ARHGAP32: variants seen among roughly 807,000 people sequenced by gnomAD.
ARHGAP32 encodes the protein Rho GTPase activating protein 32.
ARHGAP32 carries 51 observed loss-of-function variants against 186.5 expected under a neutral mutation model. That is an observed-to-expected ratio of 0.27 (90% CI 0.22 to 0.35). The LOEUF is 0.35. Ranked by LOEUF, ARHGAP32 falls within the 10% of genes least tolerant of loss-of-function variation. The pLI is 1.00. For missense variants in ARHGAP32, 2,186 were observed against 2,623.5 expected (o/e 0.83, Z 3.64); for synonymous variants, 950 against 964.3 (o/e 0.99, Z 0.27).
rs143014937 is a variant in ARHGAP32, at chr11:129,255,211, A to C, written c.-5+23935T>G. 5.0e-3 allele frequency among the ~76,000 whole-genome samples: 760 copies of C among 152,204 alleles called. 3 individuals are homozygous for C. Among genetic ancestry groups the C allele is most frequent in the South Asian group, 8.1e-3 (39 of 4,826 alleles). On this transcript the variant is annotated intron_variant, in intron 1 of 6. Coordinates refer to the ARHGAP32 transcript ENST00000525234. Reference sequence around the variant, plus strand: ...GTAGGAAAAATAACAGAAGAGAATAAACAAAGTCGAGTAACGACCCACACG... The same window carrying C: ...GTAGGAAAAATAACAGAAGAGAATACACAAAGTCGAGTAACGACCCACACG...
chr11:129,041,769 C>A (rs979371261), intron 10 of ARHGAP32, among the ~76,000 whole-genome samples: 2 of 151,980 alleles, frequency 1.3e-5, no homozygotes, highest in Admixed American at 1.3e-4. Context: ...ACTGTATAGC[C>A]AAAAGGATAA....
intron 2 of ARHGAP32, chr11:129,125,797 G>T (rs1591635349): frequency 2.1e-5 from 7 of 338,248 alleles, no homozygotes; most frequent in East Asian, 1.6e-4. Flanking sequence ...CTTTTTGAGG[G>T]TTTTTTTTTT....
intron 1 of ARHGAP32, among the ~76,000 whole-genome samples, chr11:129,165,504 T>C (rs924668417): frequency 6.7e-6 from 1 of 150,278 alleles, no homozygotes; most frequent in East Asian, 1.9e-4. Flanking sequence ...TTAACTGTCT[T>C]TGGAGGAAAA....
At chr11:129,085,775 G>C (rs1353669184) in intron 6 of ARHGAP32, among the ~76,000 whole-genome samples, 1 of 151,956 alleles carries the variant, frequency 6.6e-6, no homozygotes, top group Admixed American at 6.6e-5. Flanking sequence ...AGGCTGAGAC[G>C]GGCAGCAGGA....
upstream of ARHGAP32, among the ~76,000 whole-genome samples, chr11:129,195,252 T>C (rs1944377313): frequency 6.6e-6 from 1 of 152,052 alleles, no homozygotes; most frequent in South Asian, 2.1e-4. Flanking sequence ...AGTGCTGGGA[T>C]TACAGGTATG....
chr11:129,129,465 C>CTT, intron 2 of ARHGAP32, among the ~76,000 whole-genome samples: 1 of 150,676 alleles, frequency 6.6e-6, no homozygotes, highest in South Asian at 2.1e-4. Flanking sequence ...GTGGGGGGCG[C>CTT]CTCTGCCCGG....
At chr11:128,995,872 G>A (rs998899551) in intron 12 of ARHGAP32, among the ~76,000 whole-genome samples, 8 of 152,124 alleles carry the variant, frequency 5.3e-5, no homozygotes, top group African/African-American at 9.7e-5. Context: ...TGGGTATTTC[G>A]TTTTCTTTGT....
At position 129,024,109 on chromosome 11, in the gene ARHGAP32, T is replaced by A. The variant is rs79621666; in HGVS notation, c.1045+16819A>T. ...TTTCTTGGCCCTGTTTTCAGTCCAG[T>A]CAGTGGAGCCCAGCAAGCCAGCAAG... On this transcript the variant is annotated intron_variant, in intron 11 of 22. Transcript: ENST00000682385. 2,551 of 985,510 alleles carry A rather than the reference T, an allele frequency of 2.6e-3. 47 individuals are homozygous for A. In the African/African-American group the frequency reaches 0.041, roughly 16 times the overall value. 61.0% of individuals were successfully genotyped at this position (985,510 alleles called of 1,614,324 possible).
intron 10 of ARHGAP32, among the ~76,000 whole-genome samples, chr11:129,046,914 G>A (rs547063495): frequency 6.6e-6 from 1 of 152,080 alleles, no homozygotes; most frequent in South Asian, 2.1e-4. Flanking sequence ...CATGAGGTCA[G>A]GAGATCAAGA....
intron 2 of ARHGAP32, among the ~76,000 whole-genome samples, chr11:129,153,783 GAAGAT>G (rs1267412159): frequency 3.9e-5 from 6 of 152,040 alleles, no homozygotes; most frequent in African/African-American, 9.7e-5. Flanking sequence ...TAAAAATTTA[GAAGAT>G]AATATCAGAA....
chr11:129,038,888 GAAAAA>G (rs56810685), intron 11 of ARHGAP32, among the ~76,000 whole-genome samples: 12 of 92,184 alleles, frequency 1.3e-4, no homozygotes, highest in African/African-American at 2.1e-4. Flanking sequence ...ACCCTGTCTC[GAAAAA>G]AAAAAAAAAA....
At chr11:129,132,393 T>C (rs527817516) in intron 2 of ARHGAP32, among the ~76,000 whole-genome samples, 1 of 151,970 alleles carries the variant, frequency 6.6e-6, no homozygotes, top group Non-Finnish European at 1.5e-5. Flanking sequence ...GGTGGGAGAA[T>C]TGCTTGAGCC....
chr11:129,042,420 C>T (rs1035699479), intron 10 of ARHGAP32, among the ~76,000 whole-genome samples: 1 of 152,146 alleles, frequency 6.6e-6, no homozygotes, highest in Non-Finnish European at 1.5e-5. Context: ...CAAAATGATG[C>T]TTTAGGTATT....
intron 10 of ARHGAP32, among the ~76,000 whole-genome samples, chr11:129,053,946 G>A (rs540320680): frequency 6.6e-6 from 1 of 152,012 alleles, no homozygotes; most frequent in Non-Finnish European, 1.5e-5. Context: ...TAAATAAGCA[G>A]AGAAATAAGC....
intron 5 of ARHGAP32, among the ~76,000 whole-genome samples, chr11:129,101,980 G>A (rs1261066229): frequency 6.6e-6 from 1 of 152,158 alleles, no homozygotes. Flanking sequence ...CCAACAAAGG[G>A]AAGCCCATCA....
At chr11:129,102,182 A>C (rs928210388) in intron 5 of ARHGAP32, among the ~76,000 whole-genome samples, 2 of 152,244 alleles carry the variant, frequency 1.3e-5, no homozygotes, top group Admixed American at 1.3e-4. Context: ...GACCTGCCTT[A>C]CAAGAGCTCC....
upstream of ARHGAP32, among the ~76,000 whole-genome samples, chr11:129,196,684 G>A (rs1399337652): frequency 2.6e-5 from 4 of 152,104 alleles, no homozygotes; most frequent in African/African-American, 7.2e-5. Flanking sequence ...TGAGGCAGGA[G>A]CCATCATATT....
chr11:129,096,046 AAAG>A (rs1387485500), intron 5 of ARHGAP32, among the ~76,000 whole-genome samples: 2 of 152,224 alleles, frequency 1.3e-5, no homozygotes, highest in South Asian at 2.1e-4. Flanking sequence ...CAACAGACTG[AAAG>A]AAGAAGAGAT....
chr11:129,200,668 CTTAAA>C (rs1368882785), intron 1 of ARHGAP32, among the ~76,000 whole-genome samples: 1 of 152,078 alleles, frequency 6.6e-6, no homozygotes, highest in Non-Finnish European at 1.5e-5. Context: ...CAACAAGCAA[CTTAAA>C]TTGAGTCTCA....
Sources: gnomAD v4.1 joint callset for allele counts (sites outside exome capture counted in the v4.1 genomes callset) on GRCh38, gnomAD v4.1.1 for gene constraint, MANE v1.5 for transcripts, NCBI Gene and HGNC (gene_info 2026-07-23, HGNC 2026-07-21) for gene names.